The following TRPM7 variants were observed in gnomAD, a reference collection of about 807,000 sequenced individuals.
TRPM7 encodes the protein transient receptor potential cation channel subfamily M member 7.
Under a neutral mutation model 229.7 loss-of-function variants are expected in TRPM7, and 134 were observed. The ratio of observed to expected loss-of-function variants is 0.58; its 90% confidence interval spans 0.51 to 0.67. The LOEUF (loss-of-function observed/expected upper bound fraction) is 0.67. TRPM7 is among the 30% of genes least tolerant of loss of function. The probability of loss-of-function intolerance (pLI) is 0.00; values close to 1 mark genes in which losing one functional copy is unlikely to be tolerated. For missense variants in TRPM7, 1,901 were observed against 2,210.0 expected, an observed-to-expected ratio of 0.86 and a Z score of 2.80; for synonymous variants, 699 against 715.2, an observed-to-expected ratio of 0.98 and a Z score of 0.36.
chr15:50,644,802 A>G (rs1351588888), intron 4 of TRPM7, among the ~76,000 whole-genome samples: 1 of 102,556 alleles, frequency 9.8e-6, no homozygotes, highest in Non-Finnish European at 2.4e-5. Flanking sequence ...CGTCTCAAAA[A>G]AAAAAAAAAA....
At chr15:50,670,432 T>C (rs1477186510) in intron 1 of TRPM7, among the ~76,000 whole-genome samples, 1 of 152,088 alleles carries the variant, frequency 6.6e-6, no homozygotes, top group African/African-American at 2.4e-5. Context: ...CTAAAAAAGC[T>C]AGCCAAAACC....
Position 50,599,117 on chromosome 15 carries a change from C to A in TRPM7, c.3163+5G>T. 1 of 1,582,292 alleles carries A rather than the reference C, an allele frequency of 6.3e-7. No individual in the cohort carries two copies. The highest frequency in any genetic ancestry group is 1.2e-5 in the South Asian group (1 of 86,514). ...AAGATAAATCTGTAAATATACAATT[C>A]TTACCATCAATTTCGTATGCATAAA... On this transcript the variant is annotated splice_donor_5th_base_variant and intron_variant, in intron 22 of 38. Coordinates refer to ENST00000646667, the MANE Select transcript of TRPM7 (RefSeq NM_017672.6).
rs144819695 is a variant in TRPM7, at chr15:50,682,141, G to A, written c.3+4390C>T. Among the ~76,000 whole-genome samples, 6 of 115,336 alleles carry A rather than the reference G, an allele frequency of 5.2e-5. No individual in the cohort carries two copies. In the East Asian group the frequency reaches 9.0e-4, roughly 17 times the overall value. 75.7% of individuals were successfully genotyped at this position (115,336 alleles called of 152,430 possible). Reference sequence around the variant, plus strand: ...TGCAGTGAGCCGACATCGCGCCACCGCAAGCCTGGGCAAAAGAGCAAAACT... The same window carrying A: ...TGCAGTGAGCCGACATCGCGCCACCACAAGCCTGGGCAAAAGAGCAAAACT... On this transcript the variant is annotated intron_variant, in intron 1 of 38. Transcript: ENST00000646667.
In TRPM7 at chr15:50,637,562, G is replaced by A. The variant is rs949231006; in HGVS notation, c.692C>T (p.Pro231Leu). ...VVAPYQTLLNPLSKLNVLNNL... is the reference protein window; with the variant it reads ...VVAPYQTLLNLLSKLNVLNNL... ...ATTCAAAACATTCAATTTGCTCAGG[G>A]GGTTCAATAAGGTTTGATAAGGAGC... Residue 231 changes from proline to leucine, a missense_variant, in exon 7 of 39, where the codon CCC becomes CTC. Transcript: ENST00000646667. 1 of 1,613,798 alleles carries A rather than the reference G, an allele frequency of 6.2e-7. No individual in the cohort carries two copies. The highest frequency in any genetic ancestry group is 8.5e-7 in the Non-Finnish European group (1 of 1,179,952).
chr15:50,661,703 T>C (rs1472825595), intron 2 of TRPM7, among the ~76,000 whole-genome samples: 1 of 152,148 alleles, frequency 6.6e-6, no homozygotes, highest in East Asian at 1.9e-4. Context: ...TTTCTAAGAG[T>C]TATATATCTA....
chr15:50,611,258 A>C lies in TRPM7; in HGVS notation c.2115T>G (p.Ala705=). ...TCAGTTCATAAGTGAGCAATTTCAT[A>C]GCCATGGTTTCATCTTGTCTGAAGG... ...EQSFRQDETM[A]MKLLTYELKN... Residue 705 remains alanine, a synonymous_variant, in exon 17 of 39, where the codon GCT becomes GCG. Coordinates refer to ENST00000646667, the MANE Select transcript of TRPM7 (RefSeq NM_017672.6). 2 of 1,614,002 alleles carry C rather than the reference A, an allele frequency of 1.2e-6. No individual in the cohort carries two copies. The highest frequency in any genetic ancestry group is 1.7e-6 in the Non-Finnish European group (2 of 1,179,936).
chr15:50,679,301 C>T (rs1248849874), intron 1 of TRPM7, among the ~76,000 whole-genome samples: 1 of 149,508 alleles, frequency 6.7e-6, no homozygotes, highest in African/African-American at 2.5e-5. Flanking sequence ...TGTCACTGCA[C>T]TCTGACATGG....
chr15:50,600,008 C>T (rs2059733212), intron 21 of TRPM7, among the ~76,000 whole-genome samples: 2 of 152,140 alleles, frequency 1.3e-5, no homozygotes, highest in Non-Finnish European at 2.9e-5. Context: ...TTACAATGTA[C>T]ATTTTGACAT....
chr15:50,572,714 T>A (rs2053948866), intron 36 of TRPM7, among the ~76,000 whole-genome samples: 1 of 152,212 alleles, frequency 6.6e-6, no homozygotes, highest in Non-Finnish European at 1.5e-5. Flanking sequence ...ACCACCATAA[T>A]CATTTTTATA....
chr15:50,588,144 A>G (rs1396642424), intron 27 of TRPM7: 1 of 864,346 alleles, frequency 1.2e-6, no homozygotes, highest in African/African-American at 1.8e-5. Context: ...ACATGGGTAT[A>G]TTTTAAGCTG....
At chr15:50,620,889 G>A (rs1473408420) in intron 12 of TRPM7, among the ~76,000 whole-genome samples, 1 of 151,920 alleles carries the variant, frequency 6.6e-6, no homozygotes, top group Non-Finnish European at 1.5e-5. Context: ...CCGAGATCGC[G>A]TCATTGCACT....
At chr15:50,679,538 A>ATATATATATT (rs1400383980) in intron 1 of TRPM7, among the ~76,000 whole-genome samples, 2 of 43,900 alleles carry the variant, frequency 4.6e-5, no homozygotes, top group African/African-American at 2.1e-4. Flanking sequence ...ATATATATAT[A>ATATATATATT]TTTTTTTTTT....
At position 50,594,473 on chromosome 15, in the gene TRPM7, C is replaced by T; in HGVS notation, c.3431G>A (p.Cys1144Tyr). ...ILSHIVSLFC[C>Y]ICKRRKKDKT... ...ATCTTTCTTTCTTCTCTTACATATG[C>T]AGCAAAACAGAGAAACTATATGGCT... Residue 1144 changes from cysteine to tyrosine, a missense_variant, in exon 24 of 39, where the codon TGC becomes TAC. Cys to Tyr is a radical substitution (Grantham distance 194). Coordinates refer to ENST00000646667, the MANE Select transcript of TRPM7 (RefSeq NM_017672.6). 6.2e-7 allele frequency: 1 copy of T among 1,612,894 alleles called. No individual in the cohort carries two copies. Among genetic ancestry groups the T allele is most frequent in the Non-Finnish European group, 8.5e-7 (1 of 1,179,624 alleles).
At position 50,686,366 on chromosome 15, in the gene TRPM7, G is replaced by C. The variant is rs553229792; in HGVS notation, c.3+165C>G. 1.2e-4 allele frequency among the ~76,000 whole-genome samples: 19 copies of C among 152,300 alleles called. No homozygotes were observed. In the South Asian group the frequency reaches 3.9e-3, roughly 32 times the overall value. On this transcript the variant is annotated intron_variant, in intron 1 of 38. Coordinates refer to ENST00000646667, the MANE Select transcript of TRPM7 (RefSeq NM_017672.6). Reference sequence around the variant, plus strand: ...CTGCTCCCGCCCCTCACCCCAGAACGAACTGCACACCCGTCCCGAGAGGAC... The same window carrying C: ...CTGCTCCCGCCCCTCACCCCAGAACCAACTGCACACCCGTCCCGAGAGGAC...
chr15:50,586,963 C>T lies in TRPM7; in HGVS notation c.4390-475G>A, dbSNP rs542349702. 1.9e-4 allele frequency among the ~76,000 whole-genome samples: 29 copies of T among 152,188 alleles called. 1 individual carries two copies. Among genetic ancestry groups the T allele is most frequent in the African/African-American group, 5.8e-4 (24 of 41,504 alleles). ...CCCGGGAGGCGTAGGGTGCAGTGAG[C>T]CAAGATCAAGCCACTGCACTCCAGC... On this transcript the variant is annotated intron_variant, in intron 27 of 38. Coordinates refer to ENST00000646667, the MANE Select transcript of TRPM7 (RefSeq NM_017672.6).
intron 4 of TRPM7, among the ~76,000 whole-genome samples, chr15:50,643,764 C>T (rs978235565): frequency 5.3e-5 from 8 of 152,042 alleles, no homozygotes; most frequent in Non-Finnish European, 8.8e-5. Flanking sequence ...ACAGAAATAG[C>T]GAAACTAACT....
At position 50,643,535 on chromosome 15, in the gene TRPM7, C is replaced by A; in HGVS notation, c.340G>T (p.Asp114Tyr). ...YRAKYVRLSY[D>Y]TKPEVILQLL... ...TGCAGAATGACTTCAGGTTTGGTGT[C>A]ATATGATAGCCTCACATACTAGAAA... The change falls in exon 5 of 39, where the codon GAC (aspartate) becomes TAC (tyrosine). Residue 114 changes from aspartate (D) to tyrosine (Y), a missense_variant. By Grantham distance (160) the Asp-to-Tyr change is radical. This residue lies in a region of TRPM7 where 794 missense variants were observed against 881.9 expected (regional missense o/e 0.90). Coordinates refer to ENST00000646667, the MANE Select transcript of TRPM7 (RefSeq NM_017672.6). 1 of 1,613,860 alleles carries A rather than the reference C, an allele frequency of 6.2e-7. No individual in the cohort carries two copies. Among genetic ancestry groups the A allele is most frequent in the South Asian group, 1.1e-5 (1 of 91,050 alleles).
chr15:50,578,761 ATAT>A (rs991419526), intron 30 of TRPM7, 97 bp from the exon 31 acceptor site: 29 of 809,294 alleles, frequency 3.6e-5, no homozygotes, highest in African/African-American at 9.0e-5. Flanking sequence ...TATATAAAAA[ATAT>A]TATTAAGGAA....
In TRPM7 at chr15:50,637,410, G is replaced by C. The variant is rs1314685423; in HGVS notation, c.832+12C>G. On this transcript the variant is annotated intron_variant, in intron 7 of 38. Transcript: ENST00000646667. The stretch of plus-strand genomic sequence containing the variant: ...ACAATTTCAACAATAACAAATTTGT[G>C]AATTCACTTACTAGCATGAATTCTT... 2 of 1,607,110 alleles carry C rather than the reference G, an allele frequency of 1.2e-6. No homozygotes were observed. The highest frequency in any genetic ancestry group is 1.7e-5 in the Admixed American group (1 of 58,700).
Sources: allele counts gnomAD v4.1 joint callset (sites outside exome capture counted in the v4.1 genomes callset), GRCh38; gene constraint gnomAD v4.1.1; regional missense constraint gnomAD v4.1.1; transcripts MANE v1.5; gene names NCBI Gene and HGNC (gene_info 2026-07-23, HGNC 2026-07-21).